CSDE1: variants seen among roughly 807,000 people sequenced by gnomAD.
CSDE1 encodes cold shock domain-containing protein E1.
Under a neutral mutation model 89.3 loss-of-function variants are expected in CSDE1, and 17 were observed. That is an observed-to-expected ratio of 0.19 (90% CI 0.13 to 0.29). The LOEUF (loss-of-function observed/expected upper bound fraction) is 0.29. Ranked by LOEUF, CSDE1 falls within the 10% of genes least tolerant of loss-of-function variation. The pLI is 1.00. For missense variants in CSDE1, 672 were observed against 984.2 expected (o/e 0.68, Z 4.24); for synonymous variants, 322 against 332.8 (o/e 0.97, Z 0.35).
At position 114,740,575 on chromosome 1, in the gene CSDE1, T is replaced by G. The variant is rs115339160; in HGVS notation, c.1-685A>C. Among the ~76,000 whole-genome samples, 1,289 of 152,294 alleles carry G rather than the reference T, an allele frequency of 8.5e-3. 17 individuals are homozygous for G. Among genetic ancestry groups the G allele is most frequent in the African/African-American group, 0.029 (1,213 of 41,552 alleles). ...AGGTACATTTAAAGAAATCTTTACC[T>G]AAAAGAAACCCTTCACTTTTTACAT... On this transcript the variant is annotated intron_variant, in intron 2 of 19. Transcript: ENST00000358528.
At chr1:114,734,178 C>G in intron 7 of CSDE1, 61 bp from the exon 8 acceptor site, 1 of 1,544,506 alleles carries the variant, frequency 6.5e-7, no homozygotes, top group Non-Finnish European at 8.7e-7. Context: ...ATGATTACAA[C>G]TTAAAACCAG....
Position 114,719,647 on chromosome 1 carries a change from C to T in CSDE1, c.2148G>A (p.Glu716=), listed in dbSNP as rs1659400138. The T allele has an allele frequency of 6.2e-7, 1 of 1,613,942 alleles. No homozygotes were observed. The highest frequency in any genetic ancestry group is 1.7e-5 in the Admixed American group (1 of 59,992). Residue 716 remains glutamate, a synonymous_variant, in exon 18 of 20, where the codon GAG becomes GAA. Transcript: ENST00000358528. ...QDGIELQAGD[E]VEFSVILNQR... is the part of the protein sequence containing the mutation. Reference sequence around the variant, plus strand: ...GATTAAGAATCACTGAGAACTCCACCTCATCTCCTGCCTGTAGCTCAATGC... The same window carrying T: ...GATTAAGAATCACTGAGAACTCCACTTCATCTCCTGCCTGTAGCTCAATGC...
chr1:114,729,613 G>A (rs1331234933), intron 12 of CSDE1, among the ~76,000 whole-genome samples: 1 of 151,494 alleles, frequency 6.6e-6, no homozygotes, highest in African/African-American at 2.4e-5. Flanking sequence ...TGTGAAGAAT[G>A]CTCTTTCCTG....
At chr1:114,750,491 TGC>T (rs1223010855) in intron 1 of CSDE1, among the ~76,000 whole-genome samples, 1 of 152,100 alleles carries the variant, frequency 6.6e-6, no homozygotes, top group African/African-American at 2.4e-5. Flanking sequence ...TTTAATTTAG[TGC>T]AAGTATTTTA....
At chr1:114,730,708 T>C in intron 10 of CSDE1, 60 bp from the exon 11 acceptor site, 1 of 1,585,868 alleles carries the variant, frequency 6.3e-7, no homozygotes, top group South Asian at 1.1e-5. Flanking sequence ...AACATTCAAC[T>C]TTACAACCAC....
At position 114,740,010 on chromosome 1, in the gene CSDE1, G is replaced by T. The variant is rs773764919; in HGVS notation, c.1-120C>A. On this transcript the variant is annotated intron_variant, in intron 2 of 19. Coordinates refer to ENST00000358528, the MANE Select transcript of CSDE1 (RefSeq NM_001007553.3). ...AACGCAAAAAAAAGTAAAATGAAGG[G>T]AAGATTATAGACTTTATTACTGCAG... is the stretch of plus-strand genomic sequence containing the variant. 4.1e-6 allele frequency: 3 copies of T among 736,104 alleles called. No individual in the cohort carries two copies. In the Admixed American group the frequency reaches 6.9e-5, roughly 17 times the overall value. The allele number at this position is 736,104 out of a possible 1,614,324, so 45.6% of individuals were successfully genotyped here.
Position 114,732,603 on chromosome 1 carries a change from C to A in CSDE1, c.1050+1G>T. On this transcript the variant is annotated splice_donor_variant, in intron 10 of 19. Transcript: ENST00000358528. LOFTEE classifies it high-confidence loss of function. ...CATATCCAGTAATATCCAACACTTACCATTTCTCGGGCTTCATTAGTGAAC... is the reference window on the plus strand; with the variant it reads ...CATATCCAGTAATATCCAACACTTAACATTTCTCGGGCTTCATTAGTGAAC... 1 of 1,613,370 alleles carries A rather than the reference C, an allele frequency of 6.2e-7. No homozygotes were observed. Among genetic ancestry groups the A allele is most frequent in the Non-Finnish European group, 8.5e-7 (1 of 1,179,318 alleles).
At position 114,733,876 on chromosome 1, in the gene CSDE1, G is replaced by A. The variant is rs767123951; in HGVS notation, c.712-19C>T. On this transcript the variant is annotated intron_variant, in intron 8 of 19. Transcript: ENST00000358528. Reference sequence around the variant, plus strand: ...CTTTACCCTAAATCAGAAGGGGTTGGAGGTGGTGGGGGGACAGAGGAAGGA... The same window carrying A: ...CTTTACCCTAAATCAGAAGGGGTTGAAGGTGGTGGGGGGACAGAGGAAGGA... 1 of 1,613,170 alleles carries A rather than the reference G, an allele frequency of 6.2e-7. No homozygotes were observed. Among genetic ancestry groups the A allele is most frequent in the South Asian group, 1.1e-5 (1 of 90,928 alleles).
intron 2 of CSDE1, 59 bp from the exon 3 acceptor site, chr1:114,739,949 A>G (rs1660629535): frequency 7.1e-7 from 1 of 1,407,582 alleles, no homozygotes; most frequent in Non-Finnish European, 9.9e-7. Flanking sequence ...TAGCATATTA[A>G]GTCTGGTTAA....
intron 18 of CSDE1, among the ~76,000 whole-genome samples, chr1:114,719,378 T>G (rs1659383801): frequency 6.6e-6 from 1 of 152,078 alleles, no homozygotes; most frequent in Admixed American, 6.6e-5. Flanking sequence ...TAGAAATGAC[T>G]TAATGGAAGA....
At chr1:114,755,296 G>A (rs944538936) in intron 1 of CSDE1, among the ~76,000 whole-genome samples, 2 of 152,184 alleles carry the variant, frequency 1.3e-5, no homozygotes, top group African/African-American at 4.8e-5. Flanking sequence ...GTAAATGTAA[G>A]GGTCTTGAGC....
chr1:114,735,914 A>G (rs189296359), intron 6 of CSDE1, among the ~76,000 whole-genome samples: 4 of 152,266 alleles, frequency 2.6e-5, no homozygotes, highest in African/African-American at 7.2e-5. Flanking sequence ...TAAGTCTCAG[A>G]CCTATACACG....
Position 114,723,372 on chromosome 1 carries a change from AAAG to A in CSDE1, c.1873+508_1873+510del, listed in dbSNP as rs1055175269. 2.4e-4 allele frequency among the ~76,000 whole-genome samples: 37 copies of A among 152,306 alleles called. 1 individual carries two copies. The highest frequency in any genetic ancestry group is 1.4e-3 in the Admixed American group (22 of 15,308). ...GAATTCTTGAAGATAGATGGGGAAA[AAAG>A]AAGAAGAAAGTAGAGAATGAAAGGA... On this transcript the variant is annotated intron_variant, in intron 16 of 19. Transcript: ENST00000358528.
chr1:114,721,269 T>C (rs573655738), intron 16 of CSDE1, among the ~76,000 whole-genome samples: 77 of 152,242 alleles, frequency 5.1e-4, no homozygotes, highest in African/African-American at 1.8e-3. Context: ...AGAGTATTAT[T>C]TTAGGTTTGC....
At chr1:114,751,041 C>T (rs765842712) in intron 1 of CSDE1, among the ~76,000 whole-genome samples, 11 of 152,136 alleles carry the variant, frequency 7.2e-5, no homozygotes, top group East Asian at 1.9e-4. Flanking sequence ...ACAGGTGTAG[C>T]GGAGCCCGAT....
rs1050730578 is a variant in CSDE1, at chr1:114,723,887, C to T, written c.1869G>A (p.Glu623=). The part of the protein sequence containing the change: ...TEYQGMIEIV[E]EGDMKGEVYP... ...CCTGATAGTGATGATCCTTACCCTCCTCCACAATCTCAATCATTCCTTGGT... is the reference window on the plus strand; with the variant it reads ...CCTGATAGTGATGATCCTTACCCTCTTCCACAATCTCAATCATTCCTTGGT... The change falls in exon 16 of 20, where the codon GAG becomes GAA. Residue 623 remains glutamate, a synonymous_variant. Transcript: ENST00000358528. 1 of 1,613,978 alleles carries T rather than the reference C, an allele frequency of 6.2e-7. No individual in the cohort carries two copies. The highest frequency in any genetic ancestry group is 1.1e-5 in the South Asian group (1 of 91,076).
intron 3 of CSDE1, 49 bp from the exon 4 acceptor site, chr1:114,738,121 G>A (rs768863066): frequency 3.7e-6 from 5 of 1,362,178 alleles, no homozygotes; most frequent in South Asian, 1.2e-5. Flanking sequence ...TTTGCGAAAC[G>A]ATATATTGCT....
chr1:114,726,101 T>A (rs1022542604), intron 14 of CSDE1, 110 bp downstream of exon 14: 4 of 1,095,536 alleles, frequency 3.7e-6, no homozygotes, highest in East Asian at 5.0e-5. Flanking sequence ...TCTACCAATA[T>A]GAAATCTGAA....
At chr1:114,730,715 C>T in intron 10 of CSDE1, 67 bp from the exon 11 acceptor site, 2 of 1,568,038 alleles carry the variant, frequency 1.3e-6, no homozygotes, top group South Asian at 1.1e-5. Context: ...AACTTTACAA[C>T]CACCATCAAG....
Sources: allele counts gnomAD v4.1 joint callset (sites outside exome capture counted in the v4.1 genomes callset), GRCh38; gene constraint gnomAD v4.1.1; transcripts MANE v1.5; gene names NCBI Gene and HGNC (gene_info 2026-07-23, HGNC 2026-07-21).